The following CD2AP variants were observed in gnomAD, a reference collection of about 807,000 sequenced individuals.
CD2AP encodes CD2-associated protein.
Under a neutral mutation model 85.1 loss-of-function variants are expected in CD2AP, and 46 were observed. That is an observed-to-expected ratio of 0.54 (90% CI 0.43 to 0.69). CD2AP has a LOEUF of 0.69. CD2AP is among the 30% of genes least tolerant of loss of function. The probability of loss-of-function intolerance (pLI) is 0.00; values close to 1 mark genes in which losing one functional copy is unlikely to be tolerated. For missense variants in CD2AP, 769 were observed against 729.5 expected (o/e 1.05, Z -0.62); for synonymous variants, 255 against 252.9 (o/e 1.01, Z -0.08).
chr6:47,534,927 T>G (rs1186893284), intron 3 of CD2AP, among the ~76,000 whole-genome samples: 1 of 151,798 alleles, frequency 6.6e-6, no homozygotes, highest in Non-Finnish European at 1.5e-5. Context: ...ACTGAGTAGC[T>G]GTGACTACAG....
chr6:47,484,571 T>G (rs1228466603), intron 1 of CD2AP, among the ~76,000 whole-genome samples: 1 of 152,224 alleles, frequency 6.6e-6, no homozygotes, highest in East Asian at 1.9e-4. Flanking sequence ...GTTGTTCCAG[T>G]GTCAGGTATT....
At chr6:47,565,889 TAA>T (rs913593029) in intron 5 of CD2AP, among the ~76,000 whole-genome samples, 6 of 152,172 alleles carry the variant, frequency 3.9e-5, no homozygotes, top group Non-Finnish European at 7.4e-5. Flanking sequence ...TCACTTAGAC[TAA>T]AAGCCAAAAT....
chr6:47,496,807 T>A (rs907587161), intron 1 of CD2AP, among the ~76,000 whole-genome samples: 16 of 152,232 alleles, frequency 1.1e-4, no homozygotes, highest in African/African-American at 3.9e-4. Flanking sequence ...GATTTTGGTT[T>A]ATTTTTAACT....
At chr6:47,540,269 CTCT>C (rs1197723943) in intron 3 of CD2AP, among the ~76,000 whole-genome samples, 1 of 150,434 alleles carries the variant, frequency 6.6e-6, no homozygotes, top group East Asian at 1.9e-4. Flanking sequence ...ATTGACACCT[CTCT>C]TCTTTTTTGT....
At chr6:47,610,319 C>T (rs1202124255) in intron 16 of CD2AP, among the ~76,000 whole-genome samples, 2 of 152,066 alleles carry the variant, frequency 1.3e-5, no homozygotes, top group East Asian at 3.8e-4. Flanking sequence ...TTAAAAAAAG[C>T]AGTTAATCTA....
intron 17 of CD2AP, among the ~76,000 whole-genome samples, chr6:47,613,093 C>T (rs557329950): frequency 1.3e-5 from 2 of 152,196 alleles, no homozygotes; most frequent in Non-Finnish European, 2.9e-5. Context: ...TTTTAATTCT[C>T]ATTGTCTTGC....
At chr6:47,559,080 C>A (rs899773408) in intron 5 of CD2AP, among the ~76,000 whole-genome samples, 1 of 151,936 alleles carries the variant, frequency 6.6e-6, no homozygotes, top group Non-Finnish European at 1.5e-5. Context: ...GGAATTTATC[C>A]ATTTCTTCTA....
In CD2AP at chr6:47,566,323, T is replaced by TATAC; in HGVS notation, c.542-7740_542-7739insTACA. Among the ~76,000 whole-genome samples the TATAC allele has an allele frequency of 1.8e-4, 20 of 108,456 alleles. No homozygotes were observed. In the South Asian group the frequency reaches 2.4e-3, roughly 13 times the overall value. The allele number at this position is 108,456 out of a possible 152,430, so 71.2% of individuals were successfully genotyped here. On this transcript the variant is annotated intron_variant, in intron 5 of 17. Transcript: ENST00000359314. ...TAGAATATATATATATATATATATA[T>TATAC]ACACATACACATATATATATATGTA... is the stretch of plus-strand genomic sequence containing the variant.
chr6:47,542,367 TATTA>T (rs1318978212), intron 3 of CD2AP, among the ~76,000 whole-genome samples: 2 of 152,250 alleles, frequency 1.3e-5, no homozygotes, highest in Non-Finnish European at 2.9e-5. Flanking sequence ...GATATTTGTT[TATTA>T]ATTCATTCAA....
Position 47,606,200 on chromosome 6 carries a change from A to C in CD2AP, c.1453A>C (p.Asn485His). 6.2e-7 allele frequency: 1 copy of C among 1,609,880 alleles called. No homozygotes were observed. The highest frequency in any genetic ancestry group is 8.5e-7 in the Non-Finnish European group (1 of 1,176,382). Reference protein sequence around the residue: ...VNFDDIASSENLLHLTANRPK... With the variant: ...VNFDDIASSEHLLHLTANRPK... ...TTTTGATGACATAGCTTCCTCAGAAAACTTGCTTCATCTCACTGCAAATAG... is the reference window on the plus strand; with the variant it reads ...TTTTGATGACATAGCTTCCTCAGAACACTTGCTTCATCTCACTGCAAATAG... The change falls in exon 14 of 18, where the codon AAC becomes CAC. Residue 485 changes from asparagine to histidine, a missense_variant. Coordinates refer to ENST00000359314, the MANE Select transcript of CD2AP (RefSeq NM_012120.3).
At chr6:47,600,708 C>G (rs1459723724) in intron 13 of CD2AP, among the ~76,000 whole-genome samples, 2 of 151,804 alleles carry the variant, frequency 1.3e-5, no homozygotes, top group African/African-American at 4.8e-5. Context: ...AAAGAATCCT[C>G]ATGTTTTAAA....
chr6:47,532,416 C>T (rs903201238), intron 2 of CD2AP, among the ~76,000 whole-genome samples: 9 of 130,082 alleles, frequency 6.9e-5, no homozygotes, highest in Admixed American at 1.6e-4. Context: ...CACACACACA[C>T]ACACAATACT....
intron 3 of CD2AP, among the ~76,000 whole-genome samples, chr6:47,540,174 CAAA>C (rs373888400): frequency 7.2e-5 from 4 of 55,638 alleles, no homozygotes; most frequent in Admixed American, 2.0e-4. Context: ...GGCCCTGTCT[CAAA>C]AAAAAAAAAA....
At chr6:47,601,661 T>C (rs552130597) in intron 13 of CD2AP, among the ~76,000 whole-genome samples, 75 of 152,098 alleles carry the variant, frequency 4.9e-4, no homozygotes, top group Non-Finnish European at 8.4e-4. Context: ...GTATTAGTAA[T>C]ATAAAAGTGT....
intron 2 of CD2AP, among the ~76,000 whole-genome samples, chr6:47,517,987 G>GA (rs1424979109): frequency 6.6e-6 from 1 of 152,188 alleles, no homozygotes; most frequent in African/African-American, 2.4e-5. Flanking sequence ...AAGTTGAATA[G>GA]AAAATGTCAG....
chr6:47,595,916 A>G lies in CD2AP; in HGVS notation c.1164A>G (p.Pro388=). 6.2e-7 allele frequency: 1 copy of G among 1,612,768 alleles called. No individual in the cohort carries two copies. The highest frequency in any genetic ancestry group is 8.5e-7 in the Non-Finnish European group (1 of 1,179,046). The change falls in exon 12 of 18, where the codon CCA becomes CCG. Residue 388 remains proline (P), a synonymous_variant. Transcript: ENST00000359314. ...KPSKPAAPQV[P]PKKPTPPTKA... is the part of the protein sequence containing the mutation. ...CTAAACCAGCAGCTCCACAAGTCCC[A>G]CCCAAGAAACCTACTCCACCTACCA...
At chr6:47,520,336 T>C (rs763725758) in intron 2 of CD2AP, among the ~76,000 whole-genome samples, 11 of 152,194 alleles carry the variant, frequency 7.2e-5, no homozygotes, top group Admixed American at 2.0e-4. Context: ...TTTATTTTCC[T>C]AAAGAGGAAA....
chr6:47,615,463 G>A (rs759211721), intron 17 of CD2AP, among the ~76,000 whole-genome samples: 2 of 152,144 alleles, frequency 1.3e-5, no homozygotes, highest in Non-Finnish European at 2.9e-5. Context: ...CTTCTGGGGA[G>A]GCCTCAGGGA....
At chr6:47,609,387 T>G (rs1174932811) in intron 16 of CD2AP, 83 bp downstream of exon 16, 1 of 1,150,672 alleles carries the variant, frequency 8.7e-7, no homozygotes, top group African/African-American at 1.5e-5. Context: ...AGTAAAAATC[T>G]AATCTGTGGC....
Sources: gnomAD v4.1 joint callset for allele counts (sites outside exome capture counted in the v4.1 genomes callset) on GRCh38, gnomAD v4.1.1 for gene constraint, MANE v1.5 for transcripts, NCBI Gene and HGNC (gene_info 2026-07-23, HGNC 2026-07-21) for gene names.